Variants in SLCO3A1 observed in about 807,000 individuals in gnomAD.
The protein encoded by SLCO3A1 is solute carrier organic anion transporter family member 3A1.
A neutral mutation model predicts 63.1 loss-of-function variants in SLCO3A1; 27 were observed. The observed-to-expected ratio is 0.43, with a 90% CI of 0.32 to 0.59. The LOEUF is 0.59. SLCO3A1 is among the 20% of genes least tolerant of loss of function. The pLI, the probability that SLCO3A1 is intolerant of heterozygous loss-of-function variation, is 0.09. For missense variants in SLCO3A1, 773 were observed against 945.8 expected, an observed-to-expected ratio of 0.82 and a Z score of 2.40; for synonymous variants, 473 against 409.9, an observed-to-expected ratio of 1.15 and a Z score of -1.86.
At chr15:92,171,411 A>C (rs2151609908) in intron 10 of SLCO3A1, 1 of 178,326 alleles carries the variant, frequency 5.6e-6, no homozygotes, top group Middle Eastern at 2.5e-3. Context: ...TCTTCAATAG[A>C]GATGTACAGT....
At chr15:91,938,360 T>G (rs1597138493) in intron 2 of SLCO3A1, among the ~76,000 whole-genome samples, 1 of 152,288 alleles carries the variant, frequency 6.6e-6, no homozygotes, top group Non-Finnish European at 1.5e-5. Flanking sequence ...GGCAACCCGT[T>G]TAGTTAAAAA....
At chr15:92,171,327 C>A (rs1276236001) in intron 10 of SLCO3A1, 1 of 153,944 alleles carries the variant, frequency 6.5e-6, no homozygotes, top group African/African-American at 2.4e-5. Context: ...CACAAAAAAA[C>A]AAACTGTCCC....
intron 6 of SLCO3A1, among the ~76,000 whole-genome samples, chr15:92,126,577 C>T (rs906075954): frequency 6.6e-6 from 1 of 152,144 alleles, no homozygotes; most frequent in African/African-American, 2.4e-5. Context: ...ATTCAAAATT[C>T]AGCTCAAAAT....
At position 91,863,216 on chromosome 15, in the gene SLCO3A1, G is replaced by T. The variant is rs957477519; in HGVS notation, c.180+9128G>T. 6.6e-6 allele frequency among the ~76,000 whole-genome samples: 1 copy of T among 152,236 alleles called. No individual in the cohort carries two copies. Among genetic ancestry groups the T allele is most frequent in the African/African-American group, 2.4e-5 (1 of 41,462 alleles). On this transcript the variant is annotated intron_variant, in intron 1 of 9. Transcript: ENST00000318445. The surrounding 1 kb of genome is among the most constrained non-coding windows in gnomAD (Gnocchi z 4.3). ...TCTCTTTGTTGGCTTTTGGGTCAGA[G>T]AATTGTTTAAAGTAGATCCACAGAG...
At chr15:91,867,946 G>C (rs904077305) in intron 1 of SLCO3A1, among the ~76,000 whole-genome samples, 2 of 152,346 alleles carry the variant, frequency 1.3e-5, no homozygotes, top group Middle Eastern at 3.4e-3. Flanking sequence ...CGATCCAAGC[G>C]CTGGCTGAGC....
chr15:91,956,810 G>A (rs118149749), intron 2 of SLCO3A1, among the ~76,000 whole-genome samples: 7,589 of 128,638 alleles, frequency 0.059, 282 homozygotes, highest in Non-Finnish European at 0.085. Context: ...TTTTTTTTGC[G>A]ATGGATTCTC....
chr15:91,974,393 C>T (rs1329622473), intron 2 of SLCO3A1, among the ~76,000 whole-genome samples: 1 of 151,722 alleles, frequency 6.6e-6, no homozygotes, highest in East Asian at 1.9e-4. Flanking sequence ...GTGTAAATTC[C>T]TGTATTGAGA....
chr15:91,923,769 G>A (rs1301594897), intron 2 of SLCO3A1, among the ~76,000 whole-genome samples: 9 of 152,190 alleles, frequency 5.9e-5, no homozygotes, highest in South Asian at 4.1e-4. Context: ...TTTGTATATC[G>A]TTTTGCTTAG....
intron 7 of SLCO3A1, among the ~76,000 whole-genome samples, chr15:92,144,647 G>A (rs2048196523): frequency 1.3e-5 from 2 of 152,220 alleles, no homozygotes; most frequent in Admixed American, 1.3e-4. Context: ...ATACCGCAAG[G>A]TGGCATATGC....
At chr15:91,866,962 G>C (rs1279506072) in intron 1 of SLCO3A1, among the ~76,000 whole-genome samples, 1 of 152,196 alleles carries the variant, frequency 6.6e-6, no homozygotes, top group African/African-American at 2.4e-5. Flanking sequence ...AGGGTAGCAA[G>C]ATGTCAAGTG....
chr15:92,037,447 G>T (rs548294602), intron 2 of SLCO3A1, among the ~76,000 whole-genome samples: 41 of 152,110 alleles, frequency 2.7e-4, no homozygotes, highest in Non-Finnish European at 5.6e-4. Context: ...TTCTTTTAAT[G>T]AAAAGCCCAG....
intron 2 of SLCO3A1, among the ~76,000 whole-genome samples, chr15:91,935,603 C>T (rs1899383595): frequency 6.6e-6 from 1 of 152,190 alleles, no homozygotes; most frequent in South Asian, 2.1e-4. Flanking sequence ...AGTAACGCCT[C>T]AGCTTTTTCC....
chr15:92,021,736 T>C (rs530633477), intron 2 of SLCO3A1, among the ~76,000 whole-genome samples: 8 of 152,306 alleles, frequency 5.3e-5, no homozygotes, highest in South Asian at 2.1e-4. Context: ...GCTTCCACTG[T>C]GGTGAGAGAT....
At chr15:92,013,314 T>C (rs529676907) in intron 2 of SLCO3A1, among the ~76,000 whole-genome samples, 81 of 152,372 alleles carry the variant, frequency 5.3e-4, no homozygotes, top group African/African-American at 1.9e-3. Flanking sequence ...CTCATAGATG[T>C]TGAGGCTTGG....
chr15:92,008,331 G>A (rs1032736550), intron 2 of SLCO3A1, among the ~76,000 whole-genome samples: 8 of 152,100 alleles, frequency 5.3e-5, no homozygotes, highest in African/African-American at 1.4e-4. Context: ...CCCTTTCGCC[G>A]CCAGGTTGTG....
At position 91,927,061 on chromosome 15, in the gene SLCO3A1, G is replaced by A. The variant is rs1292655352; in HGVS notation, c.646+10603G>A. On this transcript the variant is annotated intron_variant, in intron 2 of 9. Coordinates refer to ENST00000318445, the MANE Select transcript of SLCO3A1 (RefSeq NM_013272.4). ...CTCTTAGCTTGTTTTGCTCCCTGGA[G>A]AGCCACTGTACTTACAACAGGAAGC... Among the ~76,000 whole-genome samples, 3 of 152,114 alleles carry A rather than the reference G, an allele frequency of 2.0e-5. No individual in the cohort carries two copies. In the East Asian group the frequency reaches 5.8e-4, roughly 29 times the overall value.
chr15:91,986,002 G>A lies in SLCO3A1; in HGVS notation c.646+69544G>A, dbSNP rs76845715. Among the ~76,000 whole-genome samples, 589 of 152,288 alleles carry A rather than the reference G, an allele frequency of 3.9e-3. 4 individuals carry two copies. The highest frequency in any genetic ancestry group is 0.014 in the African/African-American group (563 of 41,560). On this transcript the variant is annotated intron_variant, in intron 2 of 9. Coordinates refer to ENST00000318445, the MANE Select transcript of SLCO3A1 (RefSeq NM_013272.4). ...CTCTCCCCCTTGTAACAGGCTTCCA[G>A]TGCCAAGGAGGCTGGGAATTCCACA... is the stretch of plus-strand genomic sequence containing the variant.
intron 2 of SLCO3A1, among the ~76,000 whole-genome samples, chr15:92,082,903 C>T (rs1043685683): frequency 5.9e-5 from 9 of 152,170 alleles, no homozygotes; most frequent in Non-Finnish European, 1.5e-5. Context: ...GCTGTGTGAC[C>T]TTGGTGCAGC....
chr15:92,135,768 G>C (rs1596132839), intron 7 of SLCO3A1, among the ~76,000 whole-genome samples: 1 of 152,316 alleles, frequency 6.6e-6, no homozygotes, highest in African/African-American at 2.4e-5. Flanking sequence ...TGATATCTCA[G>C]CTATTAGAAC....
Sources: allele counts gnomAD v4.1 joint callset (sites outside exome capture counted in the v4.1 genomes callset), GRCh38; gene constraint gnomAD v4.1.1; non-coding constraint Gnocchi (gnomAD v3.1); transcripts MANE v1.5; gene names NCBI Gene and HGNC (gene_info 2026-07-23, HGNC 2026-07-21).